The following KLHL13 variants were observed in gnomAD, a reference collection of about 807,000 sequenced individuals.
KLHL13 encodes the protein kelch like family member 13.
Under a neutral mutation model 37.1 loss-of-function variants are expected in KLHL13, and 10 were observed. That is an observed-to-expected ratio of 0.27 (90% CI 0.17 to 0.46). The LOEUF is 0.46. Among genes scored for constraint, KLHL13 ranks in the 20% least tolerant of loss-of-function variants. KLHL13 has a pLI of 1.00. For synonymous variants in KLHL13, 163 were observed against 181.2 expected (o/e 0.90, Z 0.81); for missense variants, 360 against 509.3 (o/e 0.71, Z 2.82).
At chrX:117,988,671 G>T (rs1346058997) in intron 1 of KLHL13, among the ~76,000 whole-genome samples, 1 of 111,886 alleles carries the variant, frequency 8.9e-6, no homozygotes, top group Non-Finnish European at 1.9e-5. Flanking sequence ...ACTGCTGCCT[G>T]CATTGTCACT....
chrX:117,983,436 A>G (rs1434052948), intron 1 of KLHL13: 1 of 206,145 alleles, frequency 4.9e-6, no homozygotes, highest in Non-Finnish European at 6.7e-6. Flanking sequence ...ATTCGCACTG[A>G]AAAAAAAAAA....
At chrX:117,954,575 A>G (rs1933806430) in intron 1 of KLHL13, among the ~76,000 whole-genome samples, 1 of 112,827 alleles carries the variant, frequency 8.9e-6, no homozygotes, top group Non-Finnish European at 1.9e-5. Flanking sequence ...TGTTGATTCC[A>G]TACCTTCTAT....
At chrX:118,018,660 C>A (rs1198451119) in intron 1 of KLHL13, among the ~76,000 whole-genome samples, 4 of 111,244 alleles carry the variant, frequency 3.6e-5, no homozygotes, top group Non-Finnish European at 7.6e-5. Context: ...GTATAACTGT[C>A]CATTTTTAAA....
chrX:117,941,097 T>G (rs937005090), intron 2 of KLHL13, among the ~76,000 whole-genome samples: 2 of 111,679 alleles, frequency 1.8e-5, no homozygotes, highest in Non-Finnish European at 3.8e-5. Flanking sequence ...AAATAACACT[T>G]ATTATTTTGA....
chrX:118,001,915 T>A (rs769905162), intron 1 of KLHL13, among the ~76,000 whole-genome samples: 1 of 106,828 alleles, frequency 9.4e-6, no homozygotes, highest in East Asian at 2.9e-4. Context: ...GTGTTGCATA[T>A]GAATCTTACA....
intron 1 of KLHL13, among the ~76,000 whole-genome samples, chrX:118,059,115 C>T (rs866207489): frequency 1.1e-4 from 12 of 111,291 alleles, no homozygotes; most frequent in Non-Finnish European, 1.3e-4. Flanking sequence ...TACAACAATC[C>T]GGGATCATAT....
chrX:118,088,359 T>C (rs924609630), intron 1 of KLHL13, among the ~76,000 whole-genome samples: 1 of 112,177 alleles, frequency 8.9e-6, no homozygotes, highest in Non-Finnish European at 1.9e-5. Flanking sequence ...GCATTATATA[T>C]AATACATTAC....
chrX:117,971,464 C>G (rs760413691), intron 1 of KLHL13, among the ~76,000 whole-genome samples: 2 of 109,258 alleles, frequency 1.8e-5, no homozygotes, highest in South Asian at 7.6e-4. Context: ...TTTTGAAAAA[C>G]AAATATAGCT....
intron 1 of KLHL13, among the ~76,000 whole-genome samples, chrX:118,081,940 TTGTG>T (rs762989393): frequency 0.015 from 1,449 of 97,606 alleles, 15 homozygotes; most frequent in Non-Finnish European, 0.023. Flanking sequence ...TAGTATTCCA[TTGTG>T]TGTGTGTGTG....
chrX:118,037,041 G>A (rs1219778796), intron 1 of KLHL13, among the ~76,000 whole-genome samples: 2 of 92,711 alleles, frequency 2.2e-5, no homozygotes, highest in Non-Finnish European at 2.1e-5. Context: ...AAACCACAAT[G>A]AGATACCATC....
At chrX:118,009,148 T>C (rs2054025144) in intron 1 of KLHL13, among the ~76,000 whole-genome samples, 1 of 103,498 alleles carries the variant, frequency 9.7e-6, no homozygotes, top group South Asian at 4.8e-4. Context: ...TTCTGGATAT[T>C]AGCCCTTTGT....
chrX:117,918,330 C>T (rs1370717075), intron 4 of KLHL13, among the ~76,000 whole-genome samples: 2 of 111,167 alleles, frequency 1.8e-5, no homozygotes, highest in African/African-American at 6.5e-5. Context: ...TAGTTAAGTA[C>T]CTTAATAATA....
At chrX:117,977,744 G>C (rs968860542), upstream of KLHL13, among the ~76,000 whole-genome samples, 7 of 112,388 alleles carry the variant, frequency 6.2e-5, no homozygotes, top group South Asian at 2.6e-3. Context: ...ATCAGTAAAA[G>C]TACTTGGATA....
At chrX:117,911,495 AC>A (rs1301425972) in intron 4 of KLHL13, among the ~76,000 whole-genome samples, 1 of 111,169 alleles carries the variant, frequency 9.0e-6, no homozygotes, top group Non-Finnish European at 1.9e-5. Flanking sequence ...GGTTTGCTGC[AC>A]CTATCAACCC....
intron 1 of KLHL13, among the ~76,000 whole-genome samples, chrX:118,042,722 A>C (rs755835891): frequency 8.9e-6 from 1 of 111,762 alleles, no homozygotes; most frequent in East Asian, 2.8e-4. Flanking sequence ...CAAAACATAC[A>C]AAACCTATAA....
intron 6 of KLHL13, 80 bp downstream of exon 7, chrX:117,901,753 T>C: frequency 6.7e-6 from 3 of 445,763 alleles, no homozygotes. Flanking sequence ...TTATTATTAT[T>C]ATTACTACCA....
chrX:117,926,649 T>A (rs1434802160), intron 2 of KLHL13, among the ~76,000 whole-genome samples: 3 of 110,566 alleles, frequency 2.7e-5, no homozygotes, highest in Non-Finnish European at 5.7e-5. Context: ...AATGCTGGCC[T>A]GGTGCAATTT....
At chrX:117,989,127 C>T (rs1463096672) in intron 1 of KLHL13, among the ~76,000 whole-genome samples, 1 of 111,808 alleles carries the variant, frequency 8.9e-6, no homozygotes, top group African/African-American at 3.2e-5. Flanking sequence ...TATCCAGATA[C>T]TCCACAAAGT....
chrX:117,986,630 T>C (rs998884393), intron 1 of KLHL13, among the ~76,000 whole-genome samples: 5 of 111,566 alleles, frequency 4.5e-5, no homozygotes, highest in Non-Finnish European at 9.4e-5. Context: ...GTCAAAAGCT[T>C]TCTTTGTTCT....
Sources: allele counts gnomAD v4.1 joint callset (sites outside exome capture counted in the v4.1 genomes callset), GRCh38; gene constraint gnomAD v4.1.1; transcripts MANE v1.5; gene names NCBI Gene and HGNC (gene_info 2026-07-23, HGNC 2026-07-21).